The following XIRP2 variants were observed in gnomAD, a reference collection of about 807,000 sequenced individuals.
XIRP2 encodes xin actin-binding repeat-containing protein 2.
In XIRP2, 236 loss-of-function variants were observed where a neutral mutation model predicts 277.0. That is an observed-to-expected ratio of 0.85 (90% confidence interval 0.77 to 0.95). The LOEUF is 0.95. Among genes scored for constraint, XIRP2 ranks in the 40% least tolerant of loss-of-function variants. XIRP2 has a pLI of 0.00. For missense variants in XIRP2, 4,640 were observed against 4,157.5 expected (o/e 1.12, Z -3.19); for synonymous variants, 1,490 against 1,416.5 (o/e 1.05, Z -1.17).
chr2:167,139,730 G>A (rs1024240565), intron 3 of XIRP2, among the ~76,000 whole-genome samples: 15 of 152,152 alleles, frequency 9.9e-5, no homozygotes, highest in Non-Finnish European at 1.5e-4. Context: ...ACATTTTAGA[G>A]TAATGACGTC....
At chr2:166,903,411 A>G in intron 1 of XIRP2, 54 bp from the exon 2 acceptor site, 3 of 1,508,602 alleles carry the variant, frequency 2.0e-6, no homozygotes, top group Non-Finnish European at 2.7e-6. Context: ...TTGAGTCTGA[A>G]AATGACTCAG....
At chr2:166,910,377 T>C (rs1278857847) in intron 2 of XIRP2, among the ~76,000 whole-genome samples, 1 of 152,224 alleles carries the variant, frequency 6.6e-6, no homozygotes, top group Non-Finnish European at 1.5e-5. Context: ...CTATTTCTTC[T>C]AGATTTTCTA....
chr2:167,118,620 A>G (rs1486378636), intron 2 of XIRP2, among the ~76,000 whole-genome samples: 1 of 152,108 alleles, frequency 6.6e-6, no homozygotes, highest in African/African-American at 2.4e-5. Flanking sequence ...CCTCTGGAGG[A>G]TGCAGCATTC....
chr2:167,132,949 A>T (rs1399919769), intron 2 of XIRP2, among the ~76,000 whole-genome samples: 1 of 152,194 alleles, frequency 6.6e-6, no homozygotes, highest in Admixed American at 6.5e-5. Context: ...ACAAAAGGTG[A>T]AAAACATTTC....
chr2:167,178,612 A>G (rs1459418171), intron 3 of XIRP2, among the ~76,000 whole-genome samples: 1 of 152,058 alleles, frequency 6.6e-6, no homozygotes, highest in African/African-American at 2.4e-5. Flanking sequence ...ATTTTTGTGT[A>G]GGCTAGTGAG....
In XIRP2 at chr2:167,251,922, C is replaced by A. The variant is rs138155769; in HGVS notation, c.10530C>A (p.Phe3510Leu). The A allele has an allele frequency of 1.7e-5, 26 of 1,564,676 alleles. No homozygotes were observed. The East Asian group carries it at 5.8e-4, about 35-fold the overall frequency. ...DASATEMRTT[F>L]QEESAFISEA... ...CTGCAACTGAGATGAGAACCACCTTCCAAGAGGAATCTGCATTTATAAGTG... is the reference window on the plus strand; with the variant it reads ...CTGCAACTGAGATGAGAACCACCTTACAAGAGGAATCTGCATTTATAAGTG... Residue 3510 changes from phenylalanine (F) to leucine (L), a missense_variant, in exon 9 of 11, where the codon TTC becomes TTA. By Grantham distance (22) the Phe-to-Leu change is conservative (BLOSUM62 0). Transcript: ENST00000409195.
intron 2 of XIRP2, among the ~76,000 whole-genome samples, chr2:167,112,275 A>G (rs1690779321): frequency 1.3e-5 from 2 of 151,870 alleles, no homozygotes; most frequent in South Asian, 4.1e-4. Flanking sequence ...AGGTCTTTCT[A>G]ACTTTTTAAT....
chr2:166,977,262 G>C (rs1407352169), intron 2 of XIRP2, among the ~76,000 whole-genome samples: 1 of 151,938 alleles, frequency 6.6e-6, no homozygotes, highest in African/African-American at 2.4e-5. Context: ...CTTGTCAATG[G>C]TTTTCAAATT....
intron 2 of XIRP2, chr2:167,124,533 G>A (rs955658256): frequency 6.6e-6 from 1 of 152,114 alleles, no homozygotes; most frequent in Admixed American, 6.6e-5. Flanking sequence ...TACCTGCAAT[G>A]TTCAAAGAAA....
chr2:167,160,621 T>C (rs1313511206), intron 3 of XIRP2, among the ~76,000 whole-genome samples: 3 of 152,120 alleles, frequency 2.0e-5, no homozygotes, highest in Non-Finnish European at 4.4e-5. Flanking sequence ...TTCACTATCA[T>C]GAGAACAGCA....
intron 2 of XIRP2, among the ~76,000 whole-genome samples, chr2:166,985,544 A>T (rs1039502317): frequency 2.0e-5 from 3 of 150,980 alleles, no homozygotes; most frequent in Admixed American, 6.6e-5. Flanking sequence ...AATTCTCTTG[A>T]CTCAGCCTCC....
In XIRP2 at chr2:167,258,143, G is replaced by T; in HGVS notation, c.*326G>T. On this transcript the variant is annotated 3_prime_UTR_variant, in exon 11 of 11. Transcript: ENST00000409195. ...TGATTTGAGAAAATTAGGGGAAAGG[G>T]GAAAATTAAAAGTCATTTGGCCTCC... 6.2e-7 allele frequency: 1 copy of T among 1,613,120 alleles called. No homozygotes were observed. The highest frequency in any genetic ancestry group is 8.5e-7 in the Non-Finnish European group (1 of 1,179,570).
intron 3 of XIRP2, among the ~76,000 whole-genome samples, chr2:167,203,691 A>G (rs1344348552): frequency 6.6e-6 from 1 of 152,196 alleles, no homozygotes; most frequent in Non-Finnish European, 1.5e-5. Context: ...TAATATTCAA[A>G]TGAGGATAAG....
At chr2:167,060,513 G>GT (rs987940319) in intron 2 of XIRP2, among the ~76,000 whole-genome samples, 4 of 151,982 alleles carry the variant, frequency 2.6e-5, no homozygotes, top group African/African-American at 4.8e-5. Context: ...ATTTTGAGGG[G>GT]TTTTTTGTAT....
Position 167,247,465 on chromosome 2 carries a change from A to T in XIRP2, c.6073A>T (p.Thr2025Ser), listed in dbSNP as rs748941903. The change falls in exon 9 of 11, where the codon ACT (threonine) becomes TCT (serine). Residue 2025 changes from threonine (T) to serine (S), a missense_variant. Physicochemically the swap from Thr to Ser is moderately conservative, Grantham distance 58 (BLOSUM62 1). Coordinates refer to ENST00000409195, the MANE Select transcript of XIRP2 (RefSeq NM_152381.6). ...EVNLPKAPKG[T>S]VKIVIDREQN... ...TAATCTTCCAAAAGCCCCCAAAGGC[A>T]CTGTAAAGATTGTCATAGATCGTGA... 1 of 1,613,768 alleles carries T rather than the reference A, an allele frequency of 6.2e-7. No individual in the cohort carries two copies. The highest frequency in any genetic ancestry group is 8.5e-7 in the Non-Finnish European group (1 of 1,179,800).
chr2:167,004,106 T>G (rs144124587), intron 2 of XIRP2, among the ~76,000 whole-genome samples: 1 of 152,006 alleles, frequency 6.6e-6, no homozygotes, highest in African/African-American at 2.4e-5. Context: ...GGAATGTTTT[T>G]ATTTCTAGAA....
intron 5 of XIRP2, among the ~76,000 whole-genome samples, chr2:167,228,833 A>G (rs1694679631): frequency 6.6e-6 from 1 of 152,150 alleles, no homozygotes; most frequent in African/African-American, 2.4e-5. Context: ...CAATACCACA[A>G]CTTTTCTTCT....
chr2:167,088,634 C>T (rs1054814502), intron 2 of XIRP2, among the ~76,000 whole-genome samples: 1 of 152,178 alleles, frequency 6.6e-6, no homozygotes, highest in African/African-American at 2.4e-5. Context: ...GGGCCAATGG[C>T]TTTTCCAGCC....
intron 2 of XIRP2, among the ~76,000 whole-genome samples, chr2:167,086,452 T>C (rs1689946667): frequency 6.6e-6 from 1 of 152,034 alleles, no homozygotes; most frequent in Admixed American, 6.6e-5. Context: ...AGTATCTTTG[T>C]GGCGTTCTCT....
Sources: allele counts gnomAD v4.1 joint callset (sites outside exome capture counted in the v4.1 genomes callset), GRCh38; gene constraint gnomAD v4.1.1; transcripts MANE v1.5; gene names NCBI Gene and HGNC (gene_info 2026-07-23, HGNC 2026-07-21).